Variants in SNAI1 observed in about 807,000 individuals in gnomAD.
The protein encoded by SNAI1 is zinc finger protein SNAI1.
In SNAI1, 15 loss-of-function variants were observed where a neutral mutation model predicts 24.7. The ratio of observed to expected loss-of-function variants is 0.61; its 90% CI spans 0.41 to 0.93. SNAI1 has a LOEUF of 0.93. Ranked by LOEUF, SNAI1 falls within the 40% of genes least tolerant of loss-of-function variation. SNAI1 has a pLI of 0.00. For synonymous variants in SNAI1, 163 were observed against 142.9 expected (o/e 1.14, Z -1.00); for missense variants, 283 against 336.7 (o/e 0.84, Z 1.25).
chr20:49,986,549 G>C (rs1345267501), intron 2 of SNAI1, among the ~76,000 whole-genome samples: 1 of 152,170 alleles, frequency 6.6e-6, no homozygotes, highest in East Asian at 1.9e-4. Context: ...GACTGGGCGT[G>C]AGGGGATTGG....
Position 49,983,003 on chromosome 20 carries a change from G to A in SNAI1, c.-57G>A, listed in dbSNP as rs2078321173. On this transcript the variant is annotated 5_prime_UTR_variant, in exon 1 of 3. Coordinates refer to ENST00000244050, the MANE Select transcript of SNAI1 (RefSeq NM_005985.4). ...TCATTGCGCCGCGGCACGGCCTAGC[G>A]AGTGGTTCTTCTGCGCTACTGCTGC... 1.6e-6 allele frequency: 2 copies of A among 1,212,600 alleles called. No individual in the cohort carries two copies. Among genetic ancestry groups the A allele is most frequent in the East Asian group, 2.7e-5 (1 of 36,810 alleles). The allele number at this position is 1,212,600 out of a possible 1,614,324, so 75.1% of individuals were successfully genotyped here.
At chr20:49,984,504 T>C (rs2078327927) in intron 2 of SNAI1, among the ~76,000 whole-genome samples, 153 bp downstream of exon 2, 1 of 152,248 alleles carries the variant, frequency 6.6e-6, no homozygotes. Context: ...CTGGAAACGT[T>C]TGGCAGAAAC....
chr20:49,983,016 G>C lies in SNAI1; in HGVS notation c.-44G>C. 1 of 1,474,928 alleles carries C rather than the reference G, an allele frequency of 6.8e-7. No homozygotes were observed. Among genetic ancestry groups the C allele is most frequent in the South Asian group, 1.1e-5 (1 of 87,614 alleles). The allele number at this position is 1,474,928 out of a possible 1,614,324, so 91.4% of individuals were successfully genotyped here. A position where few individuals can be genotyped will look rare whatever the true frequency, so the allele number is the denominator to read the frequency against. The stretch of plus-strand genomic sequence containing the variant: ...GCACGGCCTAGCGAGTGGTTCTTCT[G>C]CGCTACTGCTGCGCGAATCGGCGAC... On this transcript the variant is annotated 5_prime_UTR_variant, in exon 1 of 3. Coordinates refer to ENST00000244050, the MANE Select transcript of SNAI1 (RefSeq NM_005985.4).
At chr20:49,987,367 C>T (rs897590996) in intron 2 of SNAI1, among the ~76,000 whole-genome samples, 2 of 152,168 alleles carry the variant, frequency 1.3e-5, no homozygotes, top group African/African-American at 2.4e-5. Flanking sequence ...ACACCAGTCA[C>T]GTCCTCCCTT....
intron 2 of SNAI1, among the ~76,000 whole-genome samples, chr20:49,985,567 T>G (rs1295237796): frequency 6.6e-6 from 1 of 152,180 alleles, no homozygotes; most frequent in Non-Finnish European, 1.5e-5. Context: ...CCTGCCTCTC[T>G]CACCTCCCAT....
At position 49,983,048 on chromosome 20, in the gene SNAI1, G is replaced by C; in HGVS notation, c.-12G>C. ...TGCTGCGCGAATCGGCGACCCCAGT[G>C]CCTCGACCACTATGCCGCGCTCTTT... On this transcript the variant is annotated 5_prime_UTR_variant, in exon 1 of 3. Transcript: ENST00000244050. 1.2e-6 allele frequency: 2 copies of C among 1,611,370 alleles called. 1 individual carries two copies.
intron 2 of SNAI1, among the ~76,000 whole-genome samples, chr20:49,985,338 C>T (rs1600887739): frequency 1.3e-5 from 2 of 152,176 alleles, no homozygotes; most frequent in African/African-American, 4.8e-5. Context: ...GGCGCCTGAC[C>T]TCTGAGCGGT....
intron 2 of SNAI1, among the ~76,000 whole-genome samples, chr20:49,987,655 T>C (rs1185454235): frequency 6.6e-6 from 1 of 152,098 alleles, no homozygotes; most frequent in African/African-American, 2.4e-5. Flanking sequence ...AAATGGAGGC[T>C]CAGAGAAGCC....
rs769458952 is a variant in SNAI1, at chr20:49,983,981, G to C, written c.240G>C (p.Gln80His). The C allele has an allele frequency of 9.3e-6, 15 of 1,613,688 alleles. No homozygotes were observed. The South Asian group carries it at 1.6e-4, about 18-fold the overall frequency. Residue 80 changes from glutamine (Q) to histidine (H), a missense_variant, in exon 2 of 3, where the codon CAG becomes CAC. Transcript: ENST00000244050. ...QPIAWASLRL[Q>H]ESPRVAELTS... ...TTGCCTGGGCCTCCCTTCGGCTCCA[G>C]GAGAGTCCCAGGGTGGCAGAGCTGA...
rs760465365 is a variant in SNAI1 at position 49,988,082 on chromosome 20, A to G, written c.*26A>G. On this transcript the variant is annotated 3_prime_UTR_variant, in exon 3 of 3. Transcript: ENST00000244050. Reference sequence around the variant, plus strand: ...CCCTCGAGGCTCCCTCTTCCTCTCCATACCTGCCCCTGCCTGACAGCCTTC... The same window carrying G: ...CCCTCGAGGCTCCCTCTTCCTCTCCGTACCTGCCCCTGCCTGACAGCCTTC... 3 of 1,553,544 alleles carry G rather than the reference A, an allele frequency of 1.9e-6. No individual in the cohort carries two copies. The highest frequency in any genetic ancestry group is 2.3e-5 in the East Asian group (1 of 43,944).
intron 2 of SNAI1, among the ~76,000 whole-genome samples, chr20:49,985,703 GGGTGGAGCAGGTGCATGGGGCAGC>G: frequency 6.6e-6 from 1 of 152,358 alleles, no homozygotes; most frequent in East Asian, 1.9e-4. Flanking sequence ...GGGCTGGGAG[GGGTGGAGCAGGTGCATGGGGCAGC>G]GGTGCCCAGC....
At position 49,987,940 on chromosome 20, in the gene SNAI1, C is replaced by G; in HGVS notation, c.679C>G (p.Leu227Val). The part of the protein sequence containing the change: ...FADRSNLRAH[L>V]QTHSDVKKYQ... ...TGACCGCTCCAACCTGCGGGCCCACCTCCAGACCCACTCAGATGTCAAGAA... is the reference window on the plus strand; with the variant it reads ...TGACCGCTCCAACCTGCGGGCCCACGTCCAGACCCACTCAGATGTCAAGAA... Residue 227 changes from leucine to valine, a missense_variant, in exon 3 of 3, where the codon CTC becomes GTC. Coordinates refer to ENST00000244050, the MANE Select transcript of SNAI1 (RefSeq NM_005985.4). The G allele has an allele frequency of 6.2e-7, 1 of 1,614,138 alleles. No individual in the cohort carries two copies. The highest frequency in any genetic ancestry group is 8.5e-7 in the Non-Finnish European group (1 of 1,180,018).
At chr20:49,985,422 C>T (rs1337966592) in intron 2 of SNAI1, among the ~76,000 whole-genome samples, 1 of 152,148 alleles carries the variant, frequency 6.6e-6, no homozygotes, top group Non-Finnish European at 1.5e-5. Flanking sequence ...TAAGGCTACC[C>T]ATTTCTCTTC....
rs1193697287 is a variant in SNAI1 at position 49,988,611 on chromosome 20, G to C, written c.*555G>C. 6.5e-6 allele frequency: 1 copy of C among 152,710 alleles called. No homozygotes were observed. Among genetic ancestry groups the C allele is most frequent in the African/African-American group, 2.4e-5 (1 of 41,422 alleles). The allele number at this position is 152,710 out of a possible 1,614,324, so 9.5% of individuals were successfully genotyped here. ...TTTCAGCCTCCTGTTTGGTGGGGTG[G>C]CACCTGTTTCCCGGGCAATTTAACA... On this transcript the variant is annotated 3_prime_UTR_variant, in exon 3 of 3. Transcript: ENST00000244050.
In SNAI1 at chr20:49,983,805, TCTG is replaced by T; in HGVS notation, c.83-16_83-14del. 1 of 1,558,210 alleles carries T rather than the reference TCTG, an allele frequency of 6.4e-7. No individual in the cohort carries two copies. The highest frequency in any genetic ancestry group is 8.7e-7 in the Non-Finnish European group (1 of 1,153,548). ...GTGAATGATTTAATTAACGCCTGAC[TCTG>T]CTTTTTCTCCCTCAGAGTTTACCTT... On this transcript the variant is annotated splice_polypyrimidine_tract_variant and intron_variant, in intron 1 of 2. Transcript: ENST00000244050.
intron 2 of SNAI1, among the ~76,000 whole-genome samples, chr20:49,987,118 T>C (rs1027877653): frequency 6.6e-6 from 1 of 152,158 alleles, no homozygotes; most frequent in Admixed American, 6.6e-5. Flanking sequence ...GGGCTGGGGC[T>C]CAGAAGGGAC....
intron 1 of SNAI1, among the ~76,000 whole-genome samples, 161 bp from the exon 2 acceptor site, chr20:49,983,663 G>A (rs1304391707): frequency 6.6e-6 from 1 of 151,890 alleles, no homozygotes; most frequent in Non-Finnish European, 1.5e-5. Flanking sequence ...TGGGTGACCT[G>A]GGCGAGGAGG....
Position 49,988,072 on chromosome 20 carries a change from C to T in SNAI1, c.*16C>T. 1 of 1,574,470 alleles carries T rather than the reference C, an allele frequency of 6.4e-7. No individual in the cohort carries two copies. Among genetic ancestry groups the T allele is most frequent in the Non-Finnish European group, 8.6e-7 (1 of 1,157,014 alleles). On this transcript the variant is annotated 3_prime_UTR_variant, in exon 3 of 3. Coordinates refer to ENST00000244050, the MANE Select transcript of SNAI1 (RefSeq NM_005985.4). ...TCCCCGCTGACCCTCGAGGCTCCCT[C>T]TTCCTCTCCATACCTGCCCCTGCCT...
At chr20:49,983,378 C>T (rs538876596) in intron 1 of SNAI1, among the ~76,000 whole-genome samples, 4 of 145,744 alleles carry the variant, frequency 2.7e-5, no homozygotes, top group Admixed American at 6.8e-5. Context: ...CCTTTGTAGC[C>T]GGCGAGAGGC....
Sources: allele counts gnomAD v4.1 joint callset (sites outside exome capture counted in the v4.1 genomes callset), GRCh38; gene constraint gnomAD v4.1.1; transcripts MANE v1.5; gene names NCBI Gene and HGNC (gene_info 2026-07-23, HGNC 2026-07-21).